The following CLPB variants were observed in gnomAD, a reference collection of about 807,000 sequenced individuals.
CLPB encodes the protein mitochondrial disaggregase.
CLPB carries 40 observed loss-of-function variants against 78.4 expected under a neutral mutation model. The ratio of observed to expected loss-of-function variants is 0.51; its 90% CI spans 0.40 to 0.66. The LOEUF (loss-of-function observed/expected upper bound fraction) is 0.66. Ranked by LOEUF, CLPB falls within the 30% of genes least tolerant of loss-of-function variation. The pLI, the probability that CLPB is intolerant of heterozygous loss-of-function variation, is 0.00. For missense variants in CLPB, 780 were observed against 886.9 expected, an observed-to-expected ratio of 0.88 and a Z score of 1.53; for synonymous variants, 333 against 348.0, an observed-to-expected ratio of 0.96 and a Z score of 0.48.
At chr11:72,310,056 G>A (rs930110843) in intron 7 of CLPB, among the ~76,000 whole-genome samples, 1 of 152,174 alleles carries the variant, frequency 6.6e-6, no homozygotes, top group South Asian at 2.1e-4. Flanking sequence ...AGAGGCAAAG[G>A]TGGCCAGCAT....
intron 5 of CLPB, among the ~76,000 whole-genome samples, chr11:72,346,801 A>T (rs991367473): frequency 5.9e-5 from 9 of 151,860 alleles, no homozygotes; most frequent in African/African-American, 1.9e-4. Context: ...AACATGGTGA[A>T]ACCCCGTCTC....
At chr11:72,420,871 T>C (rs1031158341) in intron 2 of CLPB, among the ~76,000 whole-genome samples, 1 of 151,648 alleles carries the variant, frequency 6.6e-6, no homozygotes, top group African/African-American at 2.4e-5. Context: ...AAAAACTGGG[T>C]CTACCCAGCA....
chr11:72,410,580 TG>T (rs1855847327), intron 2 of CLPB: 1 of 152,206 alleles, frequency 6.6e-6, no homozygotes, highest in Non-Finnish European at 1.5e-5. Flanking sequence ...GTAACTAGGA[TG>T]ATACAGGAAA....
intron 15 of CLPB, 142 bp from the exon 16 acceptor site, chr11:72,293,757 A>G (rs1949495141): frequency 1.9e-6 from 2 of 1,071,630 alleles, no homozygotes; most frequent in Non-Finnish European, 2.6e-6. Context: ...TGGGGCTAAT[A>G]ACAGCTAGCT....
intron 5 of CLPB, among the ~76,000 whole-genome samples, chr11:72,358,114 A>G (rs577251945): frequency 1.3e-5 from 2 of 152,338 alleles, no homozygotes; most frequent in Non-Finnish European, 2.9e-5. Context: ...GGCAGGTAGC[A>G]CTACCAGACT....
chr11:72,380,427 G>A, intron 3 of CLPB, 43 bp from the exon 4 acceptor site: 1 of 1,516,608 alleles, frequency 6.6e-7, no homozygotes, highest in Non-Finnish European at 9.2e-7. Context: ...AGCAAGAAAG[G>A]CCCAGGAGGT....
chr11:72,387,122 T>C (rs972273357), intron 3 of CLPB, among the ~76,000 whole-genome samples: 12 of 152,166 alleles, frequency 7.9e-5, no homozygotes, highest in Admixed American at 6.5e-5. Flanking sequence ...ATTAATTATA[T>C]ATAATTATAA....
chr11:72,428,587 G>C (rs1403202450), intron 2 of CLPB, among the ~76,000 whole-genome samples: 1 of 152,212 alleles, frequency 6.6e-6, no homozygotes, highest in East Asian at 1.9e-4. Flanking sequence ...TCTTGTATGA[G>C]ATGGGGGCTG....
intron 6 of CLPB, among the ~76,000 whole-genome samples, chr11:72,318,478 A>C (rs1949989165): frequency 6.6e-6 from 1 of 152,074 alleles, no homozygotes; most frequent in Admixed American, 6.5e-5. Flanking sequence ...TTGAAATGGA[A>C]AGGAATGACC....
chr11:72,434,193 G>A lies in CLPB; in HGVS notation c.282C>T (p.Pro94=). The change falls in exon 1 of 16, where the codon CCC becomes CCT. Residue 94 remains proline (P), a synonymous_variant. Coordinates refer to ENST00000538039, the MANE Select transcript of CLPB (RefSeq NM_001258392.3). ...TGTCCTGTCCTGGGAGTGTTTCTTC[G>A]GGACCAGGAAGGCGTCCCCAAGTGG... ...AAATWGRLPG[P]EETLPGQDSW... is the part of the protein sequence containing the mutation. The A allele has an allele frequency of 6.2e-7, 1 of 1,613,396 alleles. No individual in the cohort carries two copies. Among genetic ancestry groups the A allele is most frequent in the South Asian group, 1.1e-5 (1 of 91,072 alleles).
chr11:72,406,544 G>A (rs1226141710), intron 2 of CLPB, among the ~76,000 whole-genome samples: 1 of 152,090 alleles, frequency 6.6e-6, no homozygotes, highest in African/African-American at 2.4e-5. Flanking sequence ...TCCCAGCCTT[G>A]GCATATAGCA....
chr11:72,384,482 C>T (rs58058345), intron 3 of CLPB, among the ~76,000 whole-genome samples: 11,791 of 150,300 alleles, frequency 0.078, 678 homozygotes, highest in African/African-American at 0.17. Context: ...CTAAAGAAAA[C>T]CACCTAATCA....
At chr11:72,342,398 T>C (rs1950437139) in intron 5 of CLPB, among the ~76,000 whole-genome samples, 1 of 152,090 alleles carries the variant, frequency 6.6e-6, no homozygotes, top group Non-Finnish European at 1.5e-5. Flanking sequence ...TTTCTAACGG[T>C]GGATAATGCT....
chr11:72,402,376 C>T (rs1855588375), intron 3 of CLPB, among the ~76,000 whole-genome samples: 1 of 152,190 alleles, frequency 6.6e-6, no homozygotes, highest in Non-Finnish European at 1.5e-5. Context: ...GTTTTCTGAG[C>T]TACAAAATGA....
intron 6 of CLPB, among the ~76,000 whole-genome samples, chr11:72,323,327 G>A (rs986679749): frequency 6.6e-6 from 1 of 151,906 alleles, no homozygotes; most frequent in Non-Finnish European, 1.5e-5. Context: ...CCAGCACTTT[G>A]GGAGGCCGAG....
In CLPB at chr11:72,308,503, A is replaced by G. The variant is rs1949784567; in HGVS notation, c.1066+24T>C. ...GGCACTACCCTAGCTCTCTGTCCCCACTGGCTGATCTGCTCCCAATTACCT... is the reference window on the plus strand; with the variant it reads ...GGCACTACCCTAGCTCTCTGTCCCCGCTGGCTGATCTGCTCCCAATTACCT... On this transcript the variant is annotated intron_variant, in intron 8 of 15. Transcript: ENST00000538039. 6 of 1,609,968 alleles carry G rather than the reference A, an allele frequency of 3.7e-6. No homozygotes were observed. The South Asian group carries it at 5.5e-5, about 15-fold the overall frequency.
intron 3 of CLPB, 22 bp from the exon 4 acceptor site, chr11:72,380,406 G>A: frequency 1.2e-6 from 2 of 1,603,380 alleles, no homozygotes; most frequent in Non-Finnish European, 1.7e-6. Flanking sequence ...CACAAAGACA[G>A]AAGTGTCAAA....
intron 6 of CLPB, among the ~76,000 whole-genome samples, chr11:72,322,301 C>T (rs1011482981): frequency 2.0e-5 from 3 of 152,102 alleles, no homozygotes; most frequent in African/African-American, 7.2e-5. Context: ...TCATGTCACT[C>T]CTCTGCAAAT....
At chr11:72,389,253 T>C (rs573474327) in intron 3 of CLPB, among the ~76,000 whole-genome samples, 1 of 152,322 alleles carries the variant, frequency 6.6e-6, no homozygotes, top group East Asian at 1.9e-4. Flanking sequence ...GGGGAGATGA[T>C]GGTGAGTCAG....
Sources: allele counts gnomAD v4.1 joint callset (sites outside exome capture counted in the v4.1 genomes callset), GRCh38; gene constraint gnomAD v4.1.1; transcripts MANE v1.5; gene names NCBI Gene and HGNC (gene_info 2026-07-23, HGNC 2026-07-21).